The following ABCC5 variants were observed in gnomAD, a reference collection of about 807,000 sequenced individuals.
ABCC5 encodes the protein ATP-binding cassette sub-family C member 5.
Under a neutral mutation model 160.9 loss-of-function variants are expected in ABCC5, and 61 were observed. That is an observed-to-expected ratio of 0.38 (90% CI 0.31 to 0.47). The LOEUF is 0.47. ABCC5 is among the 20% of genes least tolerant of loss of function. ABCC5 has a pLI of 0.99. For synonymous variants in ABCC5, 666 were observed against 700.6 expected (o/e 0.95, Z 0.78); for missense variants, 1,308 against 1,813.3 (o/e 0.72, Z 5.06).
Position 183,921,269 on chromosome 3 carries a change from A to G in ABCC5, c.*31T>C. 7.4e-7 allele frequency: 1 copy of G among 1,348,660 alleles called. No individual in the cohort carries two copies. Among genetic ancestry groups the G allele is most frequent in the Non-Finnish European group, 1.1e-6 (1 of 950,800 alleles). 83.5% of individuals were successfully genotyped at this position (1,348,660 alleles called of 1,614,324 possible). A position where few individuals can be genotyped will look rare whatever the true frequency, so the allele number is the denominator to read the frequency against. ...CCCAGGCAGGGAATGGCAATGCTCT[A>G]AAGAAAAGAGACTTCGTCAACAGGG... On this transcript the variant is annotated 3_prime_UTR_variant, in exon 30 of 30. Coordinates refer to ENST00000334444, the MANE Select transcript of ABCC5 (RefSeq NM_005688.4). This position sits in a 1 kb window ranked among gnomAD's most constrained non-coding sequence, Gnocchi z 4.1.
Position 183,965,499 on chromosome 3 carries a change from C to A in ABCC5, c.1836G>T (p.Met612Ile). Residue 612 changes from methionine to isoleucine, a missense_variant and splice_region_variant, in exon 13 of 30, where the codon ATG (methionine) becomes ATT (isoleucine). Physicochemically the swap from Met to Ile is conservative, Grantham distance 10. Around this residue, in one of 3 missense-constraint regions of ABCC5, gnomAD observed 1,142 missense variants for 1,527.1 expected, o/e 0.75. Transcript: ENST00000334444. ...TSLISAILGQ[M>I]TLLEGSIAIS... ...TTGCAATGCTGCCCTCTAGAAGCGT[C>A]ATCTAGGGAGAGAGACACCATCCAA... 6.2e-7 allele frequency: 1 copy of A among 1,613,692 alleles called. No homozygotes were observed. The highest frequency in any genetic ancestry group is 1.1e-5 in the South Asian group (1 of 91,060).
chr3:183,980,366 G>A (rs931094282), intron 8 of ABCC5, among the ~76,000 whole-genome samples: 3 of 152,176 alleles, frequency 2.0e-5, no homozygotes, highest in African/African-American at 4.8e-5. Context: ...ATACATACAG[G>A]TAAAGATAAC....
chr3:183,927,776 G>A, intron 27 of ABCC5: 1 of 985,440 alleles, frequency 1.0e-6, no homozygotes, highest in Non-Finnish European at 1.2e-6. Flanking sequence ...AGTATAGTAA[G>A]GAAAAGTACT....
At chr3:183,930,054 A>C (rs1409670888) in intron 26 of ABCC5, among the ~76,000 whole-genome samples, 6 of 152,232 alleles carry the variant, frequency 3.9e-5, no homozygotes, top group African/African-American at 1.4e-4. Flanking sequence ...TGATCTACAC[A>C]TAACATTTGG....
chr3:183,994,092 T>C (rs1720032472), intron 2 of ABCC5, among the ~76,000 whole-genome samples: 2 of 151,882 alleles, frequency 1.3e-5, no homozygotes, highest in African/African-American at 4.8e-5. Context: ...GCCTCCCAAG[T>C]AGCTGGGATT....
chr3:184,015,349 C>G (rs982915448), intron 1 of ABCC5, among the ~76,000 whole-genome samples: 1 of 152,156 alleles, frequency 6.6e-6, no homozygotes, highest in Non-Finnish European at 1.5e-5. Context: ...TTTCCCCCCT[C>G]TAAGAAGGGT....
Position 183,982,860 on chromosome 3 carries a change from C to T in ABCC5, c.739G>A (p.Gly247Ser), listed in dbSNP as rs369624798. 52 of 1,614,092 alleles carry T rather than the reference C, an allele frequency of 3.2e-5. No homozygotes were observed. Among genetic ancestry groups the T allele is most frequent in the Admixed American group, 1.2e-4 (7 of 60,014 alleles). Reference protein sequence around the residue: ...ALTWALNYRTGVRLRGAILTM... With the variant: ...ALTWALNYRTSVRLRGAILTM... Reference sequence around the variant, plus strand: ...AGGATGGCCCCCCGCAAGCGGACACCGGTTCGGTAATTCAATGCCCAAGTC... The same window carrying T: ...AGGATGGCCCCCCGCAAGCGGACACTGGTTCGGTAATTCAATGCCCAAGTC... The change falls in exon 6 of 30, where the codon GGT becomes AGT. Residue 247 changes from glycine to serine, a missense_variant. Coordinates refer to ENST00000334444, the MANE Select transcript of ABCC5 (RefSeq NM_005688.4). The surrounding 1 kb of genome is among the most constrained non-coding windows in gnomAD (Gnocchi z 5.2).
intron 24 of ABCC5, among the ~76,000 whole-genome samples, chr3:183,943,331 G>A (rs1055994559): frequency 3.9e-5 from 6 of 152,210 alleles, no homozygotes; most frequent in African/African-American, 1.4e-4. Flanking sequence ...TCCAAAGGAA[G>A]AAAACTAATA....
rs184250552 is a variant in ABCC5 at position 183,963,152 on chromosome 3, A to G, written c.2235+233T>C. Among the ~76,000 whole-genome samples the G allele has an allele frequency of 1.3e-4, 20 of 152,306 alleles. No homozygotes were observed. In the East Asian group the frequency reaches 3.3e-3, roughly 25 times the overall value. Reference sequence around the variant, plus strand: ...TTGGCCTGCTCCTCTCAGCCCTTTTACTTGCTGATCTATATGCAGAAGCTG... The same window carrying G: ...TTGGCCTGCTCCTCTCAGCCCTTTTGCTTGCTGATCTATATGCAGAAGCTG... On this transcript the variant is annotated intron_variant, in intron 15 of 29. Coordinates refer to ENST00000334444, the MANE Select transcript of ABCC5 (RefSeq NM_005688.4). This position sits in a 1 kb window ranked among gnomAD's most constrained non-coding sequence, Gnocchi z 4.6.
chr3:184,016,227 T>C (rs1055778996), intron 1 of ABCC5, among the ~76,000 whole-genome samples: 2 of 152,188 alleles, frequency 1.3e-5, no homozygotes, highest in African/African-American at 4.8e-5. Context: ...ACTGCTGTGG[T>C]AGACACTGCT....
chr3:183,944,155 G>A (rs958611450), intron 24 of ABCC5, among the ~76,000 whole-genome samples: 1 of 152,202 alleles, frequency 6.6e-6, no homozygotes, highest in Non-Finnish European at 1.5e-5. Flanking sequence ...CATTTTGGGA[G>A]GTGGAGGCAG....
intron 28 of ABCC5, 123 bp from the exon 29 acceptor site, chr3:183,925,842 T>C: frequency 1.8e-6 from 1 of 569,978 alleles, no homozygotes; most frequent in Non-Finnish European, 2.4e-6. Flanking sequence ...TTTTCTTTCT[T>C]TTTTTTTTTT....
chr3:183,946,038 G>T, intron 23 of ABCC5, 99 bp from the exon 24 acceptor site: 1 of 1,094,790 alleles, frequency 9.1e-7, no homozygotes, highest in Non-Finnish European at 1.4e-6. Context: ...ACTAAGAACT[G>T]AGCACATGCA....
At chr3:183,954,672 GATTCTTAACACTAATATGAGAATACAGA>G in intron 17 of ABCC5, among the ~76,000 whole-genome samples, 1 of 152,256 alleles carries the variant, frequency 6.6e-6, no homozygotes, top group East Asian at 1.9e-4. Flanking sequence ...GGCGCACTCA[GATTCTTAACACTAATATGAGAATACAGA>G]ATGTAAACCA....
chr3:183,983,045 C>T (rs370890327), intron 5 of ABCC5, 38 bp from the exon 6 acceptor site: 60 of 1,527,426 alleles, frequency 3.9e-5, no homozygotes, highest in African/African-American at 6.8e-5. Context: ...AACATCTCCA[C>T]GGCACTCACA....
chr3:183,937,620 T>C (rs1487935175), intron 26 of ABCC5, among the ~76,000 whole-genome samples: 1 of 152,200 alleles, frequency 6.6e-6, no homozygotes, highest in Non-Finnish European at 1.5e-5. Flanking sequence ...AGTGGTTAAA[T>C]AACTTGTCCG....
At position 183,921,186 on chromosome 3, in the gene ABCC5, C is replaced by T. The variant is rs899431132; in HGVS notation, c.*114G>A. The T allele has an allele frequency of 3.2e-5, 19 of 598,002 alleles. No homozygotes were observed. Among genetic ancestry groups the T allele is most frequent in the South Asian group, 2.9e-4 (12 of 41,820 alleles). 37.0% of individuals were successfully genotyped at this position (598,002 alleles called of 1,614,324 possible). On this transcript the variant is annotated 3_prime_UTR_variant, in exon 30 of 30. Coordinates refer to ENST00000334444, the MANE Select transcript of ABCC5 (RefSeq NM_005688.4). This position sits in a 1 kb window ranked among gnomAD's most constrained non-coding sequence, Gnocchi z 4.1. The stretch of plus-strand genomic sequence containing the variant: ...CACAAGCCAATCCGGAACTGCTGTG[C>T]GAAAGATAAAATCGAGAAAGGCAAG...
intron 24 of ABCC5, 78 bp downstream of exon 24, chr3:183,945,772 A>T: frequency 8.9e-7 from 1 of 1,126,648 alleles, no homozygotes. Flanking sequence ...TCCTCCTTGT[A>T]CACCCAGCTG....
intron 14 of ABCC5, 62 bp downstream of exon 14, chr3:183,965,123 A>G: frequency 6.5e-7 from 1 of 1,549,816 alleles, no homozygotes; most frequent in Non-Finnish European, 8.9e-7. Flanking sequence ...CACTCCCAGG[A>G]GCAGCTCTGG....
Sources: gnomAD v4.1 joint callset for allele counts (sites outside exome capture counted in the v4.1 genomes callset) on GRCh38, gnomAD v4.1.1 for gene constraint, gnomAD v4.1.1 regional missense constraint, Gnocchi (gnomAD v3.1) non-coding constraint, MANE v1.5 for transcripts, NCBI Gene and HGNC (gene_info 2026-07-23, HGNC 2026-07-21) for gene names.